The following MYO18A variants were observed in gnomAD, a reference collection of about 807,000 sequenced individuals.
MYO18A encodes the protein myosin XVIIIA, also known as unconventional myosin-XVIIIa.
Under a neutral mutation model 235.8 loss-of-function variants are expected in MYO18A, and 78 were observed. That is an observed-to-expected ratio of 0.33 (90% confidence interval 0.28 to 0.40). MYO18A has a LOEUF of 0.40. Ranked by LOEUF, MYO18A falls within the 10% of genes least tolerant of loss-of-function variation. The pLI, the probability that MYO18A is intolerant of heterozygous loss-of-function variation, is 1.00. For synonymous variants in MYO18A, 977 were observed against 1,077.8 expected, an observed-to-expected ratio of 0.91 and a Z score of 1.83; for missense variants, 2,215 against 2,699.3, an observed-to-expected ratio of 0.82 and a Z score of 3.98.
chr17:29,093,531 G>A, intron 31 of MYO18A, 104 bp from the exon 32 acceptor site: 1 of 826,380 alleles, frequency 1.2e-6, no homozygotes, highest in Non-Finnish European at 2.0e-6. Flanking sequence ...AGTGGGGCAG[G>A]CCTGAGCACA....
intron 21 of MYO18A, among the ~76,000 whole-genome samples, chr17:29,102,945 T>C (rs1454300395): frequency 1.3e-5 from 2 of 151,934 alleles, no homozygotes; most frequent in East Asian, 1.9e-4. Flanking sequence ...GGGGCACACA[T>C]GCGGGTGCCA....
chr17:29,122,655 T>C (rs2152862846), intron 2 of MYO18A, among the ~76,000 whole-genome samples: 1 of 152,366 alleles, frequency 6.6e-6, no homozygotes, highest in African/African-American at 2.4e-5. Context: ...CCCTAGACCC[T>C]AGCCACAGCT....
intron 2 of MYO18A, among the ~76,000 whole-genome samples, chr17:29,159,432 C>CA (rs2068126717): frequency 6.6e-6 from 1 of 151,800 alleles, no homozygotes; most frequent in Non-Finnish European, 1.5e-5. Context: ...AGCTTTGGCA[C>CA]AAAATGAAGA....
intron 41 of MYO18A, chr17:29,076,602 T>C (rs1323026528): frequency 6.6e-6 from 1 of 152,018 alleles, no homozygotes; most frequent in African/African-American, 2.4e-5. Context: ...CATAAATGAG[T>C]CTTACTTTGA....
At chr17:29,173,590 T>C (rs1260426667) in intron 1 of MYO18A, among the ~76,000 whole-genome samples, 1 of 151,910 alleles carries the variant, frequency 6.6e-6, no homozygotes, top group African/African-American at 2.4e-5. Flanking sequence ...GGTTTCACCA[T>C]GTTACCCAGG....
rs1401404392 is a variant in MYO18A, at chr17:29,109,954, G to T, written c.3235C>A (p.His1079Asn). 6.2e-7 allele frequency: 1 copy of T among 1,609,008 alleles called. No homozygotes were observed. Among genetic ancestry groups the T allele is most frequent in the Non-Finnish European group, 8.5e-7 (1 of 1,178,038 alleles). ...AGCTGCAGGAGCCCAGCCTCGCAGTGGTCTCCCGAGGGCAGGTCCAGCTCA... is the reference window on the plus strand; with the variant it reads ...AGCTGCAGGAGCCCAGCCTCGCAGTTGTCTCCCGAGGGCAGGTCCAGCTCA... Reference protein sequence around the residue: ...SSELDLPSGDHCEAGLLQLDV... With the variant: ...SSELDLPSGDNCEAGLLQLDV... The change falls in exon 19 of 42, where the codon CAC (histidine) becomes AAC (asparagine). Residue 1079 changes from histidine to asparagine, a missense_variant. Transcript: ENST00000527372. The surrounding 1 kb of genome is among the most constrained non-coding windows in gnomAD (Gnocchi z 4.1).
intron 2 of MYO18A, among the ~76,000 whole-genome samples, chr17:29,149,629 A>T (rs2067926784): frequency 6.6e-6 from 1 of 152,204 alleles, no homozygotes; most frequent in African/African-American, 2.4e-5. Flanking sequence ...ATCCCCAAAG[A>T]CTAGGCAGGC....
At chr17:29,149,489 C>G (rs1761481194) in intron 2 of MYO18A, among the ~76,000 whole-genome samples, 1 of 152,176 alleles carries the variant, frequency 6.6e-6, no homozygotes, top group Non-Finnish European at 1.5e-5. Flanking sequence ...CCCCCAGCCC[C>G]TACACCCACC....
rs141323766 is a variant in MYO18A at position 29,140,801 on chromosome 17, T to TACAC, written c.1000-18552_1000-18549dup. ...GCGCACTCATGTGCATGTACACGTA[T>TACAC]ACACACACACACACACACACCAGCA... On this transcript the variant is annotated intron_variant, in intron 2 of 41. Coordinates refer to ENST00000527372, the MANE Select transcript of MYO18A (RefSeq NM_078471.4). The surrounding 1 kb of genome is among the most constrained non-coding windows in gnomAD (Gnocchi z 4.2). Among the ~76,000 whole-genome samples the TACAC allele has an allele frequency of 5.3e-4, 80 of 150,760 alleles. No homozygotes were observed. The highest frequency in any genetic ancestry group is 1.9e-3 in the African/African-American group (77 of 41,168).
chr17:29,135,051 G>T (rs2067564264), intron 2 of MYO18A, among the ~76,000 whole-genome samples: 1 of 151,920 alleles, frequency 6.6e-6, no homozygotes, highest in East Asian at 1.9e-4. Flanking sequence ...GGGAGAGGCT[G>T]CATCCAAAGA....
chr17:29,164,101 G>A lies in MYO18A; in HGVS notation c.999+1841C>T, dbSNP rs2068230833. Among the ~76,000 whole-genome samples, 3 of 152,086 alleles carry A rather than the reference G, an allele frequency of 2.0e-5. No individual in the cohort carries two copies. The East Asian group carries it at 5.8e-4, about 29-fold the overall frequency. On this transcript the variant is annotated intron_variant, in intron 2 of 41. Transcript: ENST00000527372. The stretch of plus-strand genomic sequence containing the variant: ...GACAAGGTTTCTTCCTGTTGGTCAG[G>A]CTGGTCTCGAACTCCCAACCTCAAG...
intron 19 of MYO18A, chr17:29,107,430 C>CG (rs1289606573): frequency 5.8e-5 from 28 of 482,704 alleles, no homozygotes; most frequent in Non-Finnish European, 1.1e-4. Flanking sequence ...AAAAAAGGAA[C>CG]AGCCTCCTTC....
Position 29,073,012 on chromosome 17 carries a change from T to G in MYO18A, c.*1758A>C, listed in dbSNP as rs1055373275. ...GCCAAGTTTTGATCAAAAAGTCACC[T>G]TTGAAATGGCTAAAATTAAGCTTTT... is the stretch of plus-strand genomic sequence containing the variant. On this transcript the variant is annotated 3_prime_UTR_variant, in exon 42 of 42. Coordinates refer to ENST00000527372, the MANE Select transcript of MYO18A (RefSeq NM_078471.4). 6.6e-6 allele frequency: 1 copy of G among 152,116 alleles called. No individual in the cohort carries two copies. The highest frequency in any genetic ancestry group is 1.9e-4 in the East Asian group (1 of 5,194). 9.4% of individuals were successfully genotyped at this position (152,116 alleles called of 1,614,324 possible).
chr17:29,122,353 G>A, intron 2 of MYO18A, 100 bp from the exon 3 acceptor site: 5 of 1,049,088 alleles, frequency 4.8e-6, no homozygotes, highest in Non-Finnish European at 7.2e-6. Flanking sequence ...TTTGAGACAA[G>A]CCACTGGGCA....
intron 41 of MYO18A, 125 bp from the exon 42 acceptor site, chr17:29,075,039 T>C (rs1409960559): frequency 2.6e-6 from 3 of 1,148,214 alleles, no homozygotes; most frequent in East Asian, 5.0e-5. Flanking sequence ...CATTGTTAAG[T>C]AAAAACCTTC....
At chr17:29,104,572 C>T (rs559779952) in intron 20 of MYO18A, among the ~76,000 whole-genome samples, 1 of 152,160 alleles carries the variant, frequency 6.6e-6, no homozygotes, top group East Asian at 1.9e-4. Flanking sequence ...AAATGTATGT[C>T]TGGAGCTCAG....
At chr17:29,107,211 C>A in intron 19 of MYO18A, 22 bp from the exon 20 acceptor site, 1 of 1,612,136 alleles carries the variant, frequency 6.2e-7, no homozygotes, top group African/African-American at 1.3e-5. Context: ...AGCCCAGAGC[C>A]AGGCCTGTCA....
Position 29,093,440 on chromosome 17 carries a change from G to A in MYO18A, c.4822-13C>T, listed in dbSNP as rs1483502222. 3 of 1,600,580 alleles carry A rather than the reference G, an allele frequency of 1.9e-6. No homozygotes were observed. The highest frequency in any genetic ancestry group is 1.1e-5 in the South Asian group (1 of 90,710). ...CCATCTGTTTTAACTGGAGTACCAT[G>A]GGGACAGAGACCCGTCCGTCCCTTT... On this transcript the variant is annotated splice_polypyrimidine_tract_variant and intron_variant, in intron 31 of 41. Coordinates refer to ENST00000527372, the MANE Select transcript of MYO18A (RefSeq NM_078471.4).
rs1294365480 is a variant in MYO18A at position 29,109,817 on chromosome 17, T to G, written c.3331+41A>C. 1 of 1,538,774 alleles carries G rather than the reference T, an allele frequency of 6.5e-7. No homozygotes were observed. The highest frequency in any genetic ancestry group is 2.5e-5 in the East Asian group (1 of 40,612). ...AGGTGGGGCCGGGCAGGGCCAGCTC[T>G]GGAAAAGAGAGCCCAGAGTGGAGAG... On this transcript the variant is annotated intron_variant, in intron 19 of 41. Coordinates refer to ENST00000527372, the MANE Select transcript of MYO18A (RefSeq NM_078471.4). The surrounding 1 kb of genome is among the most constrained non-coding windows in gnomAD (Gnocchi z 4.1).
Sources: gnomAD v4.1 joint callset for allele counts (sites outside exome capture counted in the v4.1 genomes callset) on GRCh38, gnomAD v4.1.1 for gene constraint, Gnocchi (gnomAD v3.1) non-coding constraint, MANE v1.5 for transcripts, NCBI Gene and HGNC (gene_info 2026-07-23, HGNC 2026-07-21) for gene names.